Variants in SGCZ observed in about 807,000 individuals in gnomAD.
The protein encoded by SGCZ is sarcoglycan zeta, also known as zeta-sarcoglycan.
Under a neutral mutation model 41.3 loss-of-function variants are expected in SGCZ, and 40 were observed. That is an observed-to-expected ratio of 0.97 (90% confidence interval 0.75 to 1.26). The LOEUF (loss-of-function observed/expected upper bound fraction) is 1.26. Among genes scored for constraint, SGCZ ranks in the 50% most tolerant of loss-of-function variants. SGCZ has a pLI of 0.00. For synonymous variants in SGCZ, 206 were observed against 137.5 expected (o/e 1.50, Z -3.49); for missense variants, 552 against 369.8 (o/e 1.49, Z -4.04).
chr8:14,387,663 CTT>C (rs1345703353), intron 2 of SGCZ, among the ~76,000 whole-genome samples: 2 of 151,848 alleles, frequency 1.3e-5, no homozygotes, highest in South Asian at 2.1e-4. Flanking sequence ...TTTAAAAACA[CTT>C]TTCTGAATAA....
intron 1 of SGCZ, among the ~76,000 whole-genome samples, chr8:15,076,233 G>A (rs937865442): frequency 1.3e-5 from 2 of 152,072 alleles, no homozygotes; most frequent in Admixed American, 6.6e-5. Context: ...AAATTTGTCA[G>A]GACTTTTTGG....
intron 3 of SGCZ, among the ~76,000 whole-genome samples, chr8:14,318,574 G>C (rs1362564266): frequency 6.6e-6 from 1 of 151,854 alleles, no homozygotes; most frequent in East Asian, 1.9e-4. Flanking sequence ...GCTAGAAAAA[G>C]CTCATAAGTA....
intron 2 of SGCZ, among the ~76,000 whole-genome samples, chr8:14,423,344 AT>A (rs1310863980): frequency 6.6e-6 from 1 of 152,114 alleles, no homozygotes; most frequent in African/African-American, 2.4e-5. Context: ...AGTAAACTGT[AT>A]CCTACTTAAT....
intron 1 of SGCZ, among the ~76,000 whole-genome samples, chr8:14,756,068 T>G (rs1441897865): frequency 6.6e-6 from 1 of 152,090 alleles, no homozygotes; most frequent in African/African-American, 2.4e-5. Context: ...CTTCTCATGG[T>G]CAGATTTCAG....
chr8:15,191,355 G>C (rs1800531459), intron 1 of SGCZ, among the ~76,000 whole-genome samples: 1 of 151,970 alleles, frequency 6.6e-6, no homozygotes, highest in African/African-American at 2.4e-5. Flanking sequence ...AGACCAGGCA[G>C]GTAAACTTGT....
intron 1 of SGCZ, among the ~76,000 whole-genome samples, chr8:15,142,233 G>A (rs1798908925): frequency 6.6e-6 from 1 of 152,128 alleles, no homozygotes; most frequent in Non-Finnish European, 1.5e-5. Context: ...TTGAGGGGTA[G>A]GGAAATAACC....
chr8:14,280,192 G>A (rs1172240689), intron 3 of SGCZ, among the ~76,000 whole-genome samples: 3 of 151,870 alleles, frequency 2.0e-5, no homozygotes, highest in African/African-American at 2.4e-5. Context: ...TAGTATGGAT[G>A]ATAATAGGAT....
intron 1 of SGCZ, among the ~76,000 whole-genome samples, chr8:14,973,361 G>C (rs554607399): frequency 2.0e-5 from 3 of 152,050 alleles, no homozygotes; most frequent in Non-Finnish European, 4.4e-5. Context: ...TTTCCCTTTG[G>C]TACTTTTCCT....
chr8:15,006,153 T>C (rs937371384), intron 1 of SGCZ, among the ~76,000 whole-genome samples: 1 of 152,220 alleles, frequency 6.6e-6, no homozygotes, highest in Non-Finnish European at 1.5e-5. Flanking sequence ...ATACAAAACA[T>C]ATTTTAATGT....
chr8:14,611,580 G>C (rs571017541), intron 1 of SGCZ, among the ~76,000 whole-genome samples: 6 of 152,066 alleles, frequency 3.9e-5, no homozygotes, highest in Non-Finnish European at 7.4e-5. Flanking sequence ...TTTGTCCTTT[G>C]CTGGAAAACA....
chr8:15,006,978 A>G (rs1196796241), intron 1 of SGCZ, among the ~76,000 whole-genome samples: 1 of 152,220 alleles, frequency 6.6e-6, no homozygotes, highest in Non-Finnish European at 1.5e-5. Flanking sequence ...ATTATTTTTC[A>G]AAAAAGGAAA....
intron 1 of SGCZ, among the ~76,000 whole-genome samples, chr8:14,797,937 C>G (rs972305188): frequency 1.3e-5 from 2 of 152,198 alleles, no homozygotes; most frequent in South Asian, 2.1e-4. Flanking sequence ...AAGTCAAGAA[C>G]TGAGATTTGG....
At chr8:14,182,010 T>G (rs1041611378) in intron 4 of SGCZ, among the ~76,000 whole-genome samples, 3 of 152,160 alleles carry the variant, frequency 2.0e-5, no homozygotes, top group Non-Finnish European at 4.4e-5. Flanking sequence ...ATTGGAGATA[T>G]GTTTTACTAG....
At chr8:14,392,308 GGCCTTCTAGCTTTTA>G (rs1183862771) in intron 2 of SGCZ, among the ~76,000 whole-genome samples, 1 of 152,006 alleles carries the variant, frequency 6.6e-6, no homozygotes, top group Non-Finnish European at 1.5e-5. Flanking sequence ...TAAAATAGGT[GGCCTTCTAGCTTTTA>G]GATGGTATGA....
intron 1 of SGCZ, among the ~76,000 whole-genome samples, chr8:14,655,509 T>G (rs899957775): frequency 1.3e-5 from 2 of 152,132 alleles, no homozygotes; most frequent in Non-Finnish European, 2.9e-5. Flanking sequence ...AAATTCAACT[T>G]TGGTTAGAAA....
chr8:15,174,629 G>A (rs1001033991), intron 1 of SGCZ, among the ~76,000 whole-genome samples: 5 of 152,064 alleles, frequency 3.3e-5, no homozygotes, highest in African/African-American at 7.2e-5. Flanking sequence ...TTTCCCAAGC[G>A]ATTGTACCAT....
chr8:14,379,724 TTA>T (rs1006086956), intron 2 of SGCZ, among the ~76,000 whole-genome samples: 1 of 151,732 alleles, frequency 6.6e-6, no homozygotes, highest in Admixed American at 6.6e-5. Context: ...TATATTGAAA[TTA>T]TATATATATA....
intron 1 of SGCZ, among the ~76,000 whole-genome samples, chr8:14,884,485 T>C (rs192476936): frequency 1.3e-5 from 2 of 152,038 alleles, no homozygotes; most frequent in African/African-American, 4.8e-5. Flanking sequence ...GGTGGGTAGA[T>C]GGTAAAGACC....
At chr8:14,438,987 G>A (rs926795110) in intron 2 of SGCZ, among the ~76,000 whole-genome samples, 7 of 151,884 alleles carry the variant, frequency 4.6e-5, no homozygotes, top group Admixed American at 1.3e-4. Context: ...TTGAAGACAT[G>A]AGATGATTAT....
Sources: gnomAD v4.1 joint callset for allele counts (sites outside exome capture counted in the v4.1 genomes callset) on GRCh38, gnomAD v4.1.1 for gene constraint, MANE v1.5 for transcripts, NCBI Gene and HGNC (gene_info 2026-07-23, HGNC 2026-07-21) for gene names.